Variants in ABLIM1 observed in about 807,000 individuals in gnomAD.
ABLIM1 encodes the protein actin-binding LIM protein 1.
A neutral mutation model predicts 107.0 loss-of-function variants in ABLIM1; 40 were observed. The ratio of observed to expected loss-of-function variants is 0.37; its 90% CI spans 0.29 to 0.49. ABLIM1 has a LOEUF of 0.49. Ranked by LOEUF, ABLIM1 falls within the 20% of genes least tolerant of loss-of-function variation. ABLIM1 has a pLI of 0.97. For missense variants in ABLIM1, 857 were observed against 1,008.5 expected (o/e 0.85, Z 2.04); for synonymous variants, 357 against 357.3 (o/e 1.00, Z 0.01).
chr10:114,742,980 A>G (rs973032764), intron 1 of ABLIM1, among the ~76,000 whole-genome samples: 1 of 152,190 alleles, frequency 6.6e-6, no homozygotes, highest in East Asian at 1.9e-4. Context: ...TAAATTAGTT[A>G]ATCTGTGTAA....
At chr10:114,764,951 C>A (rs1591963872) in intron 1 of ABLIM1, 1 of 152,480 alleles carries the variant, frequency 6.6e-6, no homozygotes, top group Non-Finnish European at 1.5e-5. Context: ...AGAGAGCACA[C>A]CTGAGACACA....
chr10:114,761,331 A>G (rs1386645734), intron 1 of ABLIM1, among the ~76,000 whole-genome samples: 1 of 150,012 alleles, frequency 6.7e-6, no homozygotes, highest in East Asian at 1.9e-4. Context: ...CCTTGGCCCC[A>G]ACCCCATGAA....
rs1362446758 is a variant in ABLIM1 at position 114,433,697 on chromosome 10, C to T, written c.*2563G>A. ...TTATCACTGCAATCTTAGGCAGGCC[C>T]CTTAACTCCTAGTCTCTATAAAATA... is the stretch of plus-strand genomic sequence containing the variant. On this transcript the variant is annotated 3_prime_UTR_variant, in exon 23 of 23. Transcript: ENST00000533213. 6.6e-6 allele frequency: 1 copy of T among 152,166 alleles called. No homozygotes were observed. Among genetic ancestry groups the T allele is most frequent in the Non-Finnish European group, 1.5e-5 (1 of 68,022 alleles). 9.4% of individuals were successfully genotyped at this position (152,166 alleles called of 1,614,324 possible). A position where few individuals can be genotyped will look rare whatever the true frequency, so the allele number is the denominator to read the frequency against.
At chr10:114,500,679 G>T (rs1219766824) in intron 6 of ABLIM1, among the ~76,000 whole-genome samples, 1 of 68,102 alleles carries the variant, frequency 1.5e-5, no homozygotes, top group Non-Finnish European at 2.8e-5. Flanking sequence ...ACCTTGTGTC[G>T]AAAGAAAAAA....
intron 17 of ABLIM1, among the ~76,000 whole-genome samples, chr10:114,442,670 T>C (rs1187984447): frequency 7.0e-6 from 1 of 141,986 alleles, no homozygotes; most frequent in East Asian, 2.0e-4. Context: ...TCTTGCTAGT[T>C]ATTGGCGTAT....
chr10:114,561,449 T>C (rs2069682883), intron 4 of ABLIM1, among the ~76,000 whole-genome samples: 1 of 152,246 alleles, frequency 6.6e-6, no homozygotes, highest in Non-Finnish European at 1.5e-5. Flanking sequence ...TTTAATACAG[T>C]TTGCTTTTAA....
intron 6 of ABLIM1, among the ~76,000 whole-genome samples, chr10:114,525,297 C>CACTTTCTGTACCT (rs2064506668): frequency 6.6e-6 from 1 of 152,208 alleles, no homozygotes; most frequent in Non-Finnish European, 1.5e-5. Context: ...CTGAGTAGTT[C>CACTTTCTGTACCT]ACTTTCTGTC....
chr10:114,556,160 TC>T (rs1425836682), intron 4 of ABLIM1, among the ~76,000 whole-genome samples: 2 of 152,200 alleles, frequency 1.3e-5, no homozygotes, highest in Non-Finnish European at 2.9e-5. Context: ...ATTCATTTGT[TC>T]CTAGAGAACA....
At chr10:114,696,249 A>G (rs1376110584) in intron 1 of ABLIM1, among the ~76,000 whole-genome samples, 2 of 152,240 alleles carry the variant, frequency 1.3e-5, no homozygotes, top group Non-Finnish European at 2.9e-5. Context: ...TAAAAATGCT[A>G]TATTAGTTGC....
intron 1 of ABLIM1, among the ~76,000 whole-genome samples, chr10:114,753,398 A>G (rs759557464): frequency 2.6e-5 from 4 of 152,234 alleles, no homozygotes; most frequent in East Asian, 3.8e-4. Flanking sequence ...AAAAACCTCA[A>G]GATATATACA....
At chr10:114,502,155 C>T (rs931688277) in intron 6 of ABLIM1, 4 of 169,362 alleles carry the variant, frequency 2.4e-5, no homozygotes, top group South Asian at 3.1e-4. Flanking sequence ...TTGTTGAAAG[C>T]GGGAACTGAT....
intron 1 of ABLIM1, among the ~76,000 whole-genome samples, chr10:114,742,063 C>A (rs977397557): frequency 6.6e-6 from 1 of 152,150 alleles, no homozygotes; most frequent in South Asian, 2.1e-4. Flanking sequence ...TTATGGACTT[C>A]GATACTTAAG....
chr10:114,700,729 A>G (rs2081291802), intron 1 of ABLIM1, among the ~76,000 whole-genome samples: 1 of 150,644 alleles, frequency 6.6e-6, no homozygotes, highest in African/African-American at 2.5e-5. Context: ...ACAATTATAT[A>G]TCCCTGTGAA....
In ABLIM1 at chr10:114,545,931, AAAAAAAAAAAAC is replaced by A. The variant is rs1291910756; in HGVS notation, c.801-845_801-834del. Among the ~76,000 whole-genome samples, 75 of 31,312 alleles carry A rather than the reference AAAAAAAAAAAAC, an allele frequency of 2.4e-3. No individual in the cohort carries two copies. In the African/African-American group the frequency reaches 0.039, roughly 16 times the overall value. 20.5% of individuals were successfully genotyped at this position (31,312 alleles called of 152,430 possible). The stretch of plus-strand genomic sequence containing the variant: ...GGGTGACAGCACAAGACCCCATCTC[AAAAAAAAAAAAC>A]AAAAAAAAAAAACAAGAACACTGAG... On this transcript the variant is annotated intron_variant, in intron 5 of 22. Transcript: ENST00000533213.
chr10:114,441,977 G>C (rs2060261675), intron 17 of ABLIM1, among the ~76,000 whole-genome samples, 191 bp from the exon 18 acceptor site: 1 of 152,174 alleles, frequency 6.6e-6, no homozygotes, highest in African/African-American at 2.4e-5. Context: ...ACTGAGGAGG[G>C]AAGGGAAAGT....
At chr10:114,752,510 G>C (rs188462009) in intron 1 of ABLIM1, among the ~76,000 whole-genome samples, 1 of 152,248 alleles carries the variant, frequency 6.6e-6, no homozygotes, top group Non-Finnish European at 1.5e-5. Flanking sequence ...GCTCCACAGT[G>C]GTTTGCTGCA....
At chr10:114,552,491 GA>G (rs68058352) in intron 4 of ABLIM1, among the ~76,000 whole-genome samples, 12,066 of 120,580 alleles carry the variant, frequency 0.1, 733 homozygotes, top group African/African-American at 0.22. Flanking sequence ...ACCTAACATG[GA>G]AAAAAAAAAA....
At chr10:114,663,446 G>A (rs2079878048) in intron 1 of ABLIM1, among the ~76,000 whole-genome samples, 1 of 152,158 alleles carries the variant, frequency 6.6e-6, no homozygotes, top group South Asian at 2.1e-4. Flanking sequence ...TCAATGCCTT[G>A]TAAATAACAT....
chr10:114,594,337 T>C (rs1185426920), intron 2 of ABLIM1, among the ~76,000 whole-genome samples: 3 of 152,250 alleles, frequency 2.0e-5, no homozygotes, highest in Non-Finnish European at 4.4e-5. Flanking sequence ...TCATCTGTGA[T>C]AGATATCTTT....
Sources: allele counts gnomAD v4.1 joint callset (sites outside exome capture counted in the v4.1 genomes callset), GRCh38; gene constraint gnomAD v4.1.1; transcripts MANE v1.5; gene names NCBI Gene and HGNC (gene_info 2026-07-23, HGNC 2026-07-21).